The following OXNAD1 variants were observed in gnomAD, a reference collection of about 807,000 sequenced individuals.
OXNAD1 encodes oxidoreductase NAD binding domain containing 1, also known as oxidoreductase NAD-binding domain-containing protein 1.
OXNAD1 carries 34 observed loss-of-function variants against 32.9 expected under a neutral mutation model. That is an observed-to-expected ratio of 1.03 (90% CI 0.79 to 1.38). The LOEUF is 1.38. Ranked by LOEUF, OXNAD1 falls within the 40% of genes most tolerant of loss-of-function variation. The probability of loss-of-function intolerance (pLI) is 0.00; values close to 1 mark genes in which losing one functional copy is unlikely to be tolerated. For synonymous variants in OXNAD1, 134 were observed against 135.2 expected, an observed-to-expected ratio of 0.99 and a Z score of 0.06; for missense variants, 407 against 379.4, an observed-to-expected ratio of 1.07 and a Z score of -0.60.
In OXNAD1 at chr3:16,335,078, C is replaced by T. The variant is rs1354261911; in HGVS notation, c.*31-2034C>T. Among the ~76,000 whole-genome samples the T allele has an allele frequency of 6.6e-6, 1 of 152,256 alleles. No homozygotes were observed. Among genetic ancestry groups the T allele is most frequent in the Non-Finnish European group, 1.5e-5 (1 of 68,042 alleles). ...ACCTTGGTTTTAGCCCCTTAATACT[C>T]ATTTCAGACTTCTGACTCAACAAAT... On this transcript the variant is annotated intron_variant, in intron 9 of 9. Coordinates refer to the OXNAD1 transcript ENST00000435829. This position sits in a 1 kb window ranked among gnomAD's most constrained non-coding sequence, Gnocchi z 4.7.
rs1444978182 is a variant in OXNAD1, at chr3:16,321,572, G to A, written c.*31-15540G>A. Among the ~76,000 whole-genome samples, 1 of 152,172 alleles carries A rather than the reference G, an allele frequency of 6.6e-6. No individual in the cohort carries two copies. Among genetic ancestry groups the A allele is most frequent in the Non-Finnish European group, 1.5e-5 (1 of 68,028 alleles). ...ACCCAGTGCAGAAGATTCTTCCAAG[G>A]AGTCTGGCTGTGAAGCCCCCCTCTC... On this transcript the variant is annotated intron_variant, in intron 9 of 9. Coordinates refer to the OXNAD1 transcript ENST00000435829. The surrounding 1 kb of genome is among the most constrained non-coding windows in gnomAD (Gnocchi z 4.8).
downstream of OXNAD1, among the ~76,000 whole-genome samples, chr3:16,310,577 C>G (rs2067899060): frequency 1.3e-5 from 2 of 152,156 alleles, no homozygotes; most frequent in Non-Finnish European, 2.9e-5. Context: ...AAAACTGTCT[C>G]TGGATGAATG....
chr3:16,318,020 C>A (rs905891080), intron 9 of OXNAD1, among the ~76,000 whole-genome samples: 7 of 152,212 alleles, frequency 4.6e-5, no homozygotes, highest in Non-Finnish European at 1.0e-4. Flanking sequence ...ATCTCAGAGG[C>A]CGCTTCCCGG....
At chr3:16,278,408 G>A (rs1218213182) in intron 4 of OXNAD1, among the ~76,000 whole-genome samples, 1 of 152,186 alleles carries the variant, frequency 6.6e-6, no homozygotes, top group African/African-American at 2.4e-5. Flanking sequence ...AACCATTCTG[G>A]GAGGGACATG....
rs2067064925 is a variant in OXNAD1 at position 16,299,992 on chromosome 3, G to A, written c.433-1634G>A. ...CAACCCTGTGAGGTGGGCAGTGCAGGTGCTGGTACCCATTTTCCAGGGGTG... is the reference window on the plus strand; with the variant it reads ...CAACCCTGTGAGGTGGGCAGTGCAGATGCTGGTACCCATTTTCCAGGGGTG... On this transcript the variant is annotated intron_variant, in intron 6 of 8. Coordinates refer to ENST00000285083, the MANE Select transcript of OXNAD1 (RefSeq NM_138381.5). The surrounding 1 kb of genome is among the most constrained non-coding windows in gnomAD (Gnocchi z 4.4). Among the ~76,000 whole-genome samples, 1 of 152,168 alleles carries A rather than the reference G, an allele frequency of 6.6e-6. No homozygotes were observed. The highest frequency in any genetic ancestry group is 2.1e-4 in the South Asian group (1 of 4,824).
intron 9 of OXNAD1, among the ~76,000 whole-genome samples, chr3:16,319,556 C>G (rs11922434): frequency 0.24 from 35,874 of 152,134 alleles, 5,916 homozygotes; most frequent in African/African-American, 0.48. Context: ...GACAATTCCA[C>G]CACGTGCTAG....
chr3:16,343,998 G>A (rs2071480783), intron 9 of OXNAD1, among the ~76,000 whole-genome samples: 1 of 152,202 alleles, frequency 6.6e-6, no homozygotes, highest in Non-Finnish European at 1.5e-5. Flanking sequence ...TCAGCAGAGA[G>A]TGAGCAACCA....
chr3:16,334,119 C>T lies in OXNAD1; in HGVS notation c.*31-2993C>T, dbSNP rs1422445453. ...GGCAGAAGCTGCAGTGAGCCGAGAT[C>T]GTGCCACTGCACTCCAGCCTGGGCG... On this transcript the variant is annotated intron_variant, in intron 9 of 9. Coordinates refer to the OXNAD1 transcript ENST00000435829. This position sits in a 1 kb window ranked among gnomAD's most constrained non-coding sequence, Gnocchi z 4.3. Among the ~76,000 whole-genome samples the T allele has an allele frequency of 6.6e-5, 10 of 152,122 alleles. No individual in the cohort carries two copies. The highest frequency in any genetic ancestry group is 9.7e-5 in the African/African-American group (4 of 41,428).
rs2065924287 is a variant in OXNAD1 at position 16,284,086 on chromosome 3, T to C, written c.184-2256T>C. On this transcript the variant is annotated intron_variant, in intron 4 of 8. Coordinates refer to ENST00000285083, the MANE Select transcript of OXNAD1 (RefSeq NM_138381.5). This position sits in a 1 kb window ranked among gnomAD's most constrained non-coding sequence, Gnocchi z 4.1. Reference sequence around the variant, plus strand: ...CGAAAGGCAAGATTTCTAAAATATATTCAAGACAGTATGGCTTTTACGTTT... The same window carrying C: ...CGAAAGGCAAGATTTCTAAAATATACTCAAGACAGTATGGCTTTTACGTTT... 2.0e-5 allele frequency among the ~76,000 whole-genome samples: 3 copies of C among 152,156 alleles called. No individual in the cohort carries two copies. In the South Asian group the frequency reaches 6.2e-4, roughly 32 times the overall value.
Position 16,327,078 on chromosome 3 carries a change from C to G in OXNAD1, c.*31-10034C>G, listed in dbSNP as rs954528461. 1.3e-5 allele frequency among the ~76,000 whole-genome samples: 2 copies of G among 152,172 alleles called. No homozygotes were observed. Among genetic ancestry groups the G allele is most frequent in the African/African-American group, 2.4e-5 (1 of 41,428 alleles). On this transcript the variant is annotated intron_variant, in intron 9 of 9. Transcript: ENST00000435829. The surrounding 1 kb of genome is among the most constrained non-coding windows in gnomAD (Gnocchi z 4.2). ...CCAACATGGGATTTCCTTCTGGGCCCCATTTCAGTCTGTGATGTCAGCAAG... is the reference window on the plus strand; with the variant it reads ...CCAACATGGGATTTCCTTCTGGGCCGCATTTCAGTCTGTGATGTCAGCAAG...
Position 16,303,813 on chromosome 3 carries a change from A to C in OXNAD1, c.*251A>C. 1.9e-5 allele frequency: 6 copies of C among 316,444 alleles called. No individual in the cohort carries two copies. Among genetic ancestry groups the C allele is most frequent in the East Asian group, 5.6e-5 (1 of 17,850 alleles). 19.6% of individuals were successfully genotyped at this position (316,444 alleles called of 1,614,324 possible). ...TTATTAACAACGATTTAATTGTCTCATGATGTACCATGATTGGTCAGTATA... is the reference window on the plus strand; with the variant it reads ...TTATTAACAACGATTTAATTGTCTCCTGATGTACCATGATTGGTCAGTATA... On this transcript the variant is annotated 3_prime_UTR_variant, in exon 9 of 9. Transcript: ENST00000285083. The surrounding 1 kb of genome is among the most constrained non-coding windows in gnomAD (Gnocchi z 4.8).
chr3:16,317,732 A>T lies in OXNAD1; in HGVS notation c.*30+14140A>T, dbSNP rs2125158516. On this transcript the variant is annotated intron_variant, in intron 9 of 9. Transcript: ENST00000435829. The surrounding 1 kb of genome is among the most constrained non-coding windows in gnomAD (Gnocchi z 4.3). ...GCAGACACTGTGCTGTACCGCTCAG[A>T]TCCCCCCACAGGACTGGCGGGCCCG... Among the ~76,000 whole-genome samples, 1 of 151,616 alleles carries T rather than the reference A, an allele frequency of 6.6e-6. No individual in the cohort carries two copies. Among genetic ancestry groups the T allele is most frequent in the East Asian group, 1.9e-4 (1 of 5,166 alleles).
chr3:16,348,201 G>A lies in OXNAD1; in HGVS notation c.*31-975G>A, dbSNP rs770607397. 6.6e-6 allele frequency among the ~76,000 whole-genome samples: 1 copy of A among 152,080 alleles called. No individual in the cohort carries two copies. The highest frequency in any genetic ancestry group is 1.5e-5 in the Non-Finnish European group (1 of 68,028). Reference sequence around the variant, plus strand: ...AGCAGGGCTTTGCTAAGAGGCACAAGTGCTGCCTGTTTGAGGTGAAAGCAT... The same window carrying A: ...AGCAGGGCTTTGCTAAGAGGCACAAATGCTGCCTGTTTGAGGTGAAAGCAT... On this transcript the variant is annotated intron_variant, in intron 9 of 9. Transcript: ENST00000606098. The surrounding 1 kb of genome is among the most constrained non-coding windows in gnomAD (Gnocchi z 6.3).
At chr3:16,310,953 G>A (rs7652498), downstream of OXNAD1, among the ~76,000 whole-genome samples, 19,237 of 137,352 alleles carry the variant, frequency 0.14, 1,370 homozygotes, top group Middle Eastern at 0.22. Context: ...TTGTGCCATT[G>A]CACTCCAGCC....
At chr3:16,342,172 A>AC, downstream of OXNAD1, among the ~76,000 whole-genome samples, 1 of 151,746 alleles carries the variant, frequency 6.6e-6, no homozygotes, top group East Asian at 1.9e-4. This position sits in a 1 kb window ranked among gnomAD's most constrained non-coding sequence, Gnocchi z 4.0. Flanking sequence ...CCACACCAAT[A>AC]CCCTGTACCT....
downstream of OXNAD1, among the ~76,000 whole-genome samples, chr3:16,351,040 C>T (rs148657749): frequency 1.3e-4 from 20 of 152,276 alleles, no homozygotes; most frequent in African/African-American, 4.8e-4. This position sits in a 1 kb window ranked among gnomAD's most constrained non-coding sequence, Gnocchi z 5.4. Flanking sequence ...TCATGAAGAA[C>T]AAGTGAGACC....
chr3:16,275,209 C>T (rs2065231786), intron 4 of OXNAD1: 1 of 162,110 alleles, frequency 6.2e-6, no homozygotes, highest in Non-Finnish European at 1.4e-5. Context: ...GAAGAGTTAT[C>T]TTAGAATGTA....
intron 4 of OXNAD1, among the ~76,000 whole-genome samples, chr3:16,282,860 G>T (rs529699748): frequency 8.2e-6 from 1 of 122,434 alleles, no homozygotes; most frequent in East Asian, 2.7e-4. Flanking sequence ...TTGAGTAGTA[G>T]AGAGCCGTTT....
chr3:16,309,469 G>A (rs1478587846), downstream of OXNAD1, among the ~76,000 whole-genome samples: 2 of 151,292 alleles, frequency 1.3e-5, no homozygotes, highest in East Asian at 3.9e-4. Flanking sequence ...TTAGATGAAA[G>A]GTGATTTTTT....
Sources: gnomAD v4.1 joint callset for allele counts (sites outside exome capture counted in the v4.1 genomes callset) on GRCh38, gnomAD v4.1.1 for gene constraint, Gnocchi (gnomAD v3.1) non-coding constraint, MANE v1.5 for transcripts, NCBI Gene and HGNC (gene_info 2026-07-23, HGNC 2026-07-21) for gene names.